The following PLCG2 variants were observed in gnomAD, a reference collection of about 807,000 sequenced individuals.
The protein encoded by PLCG2 is 1-phosphatidylinositol 4,5-bisphosphate phosphodiesterase gamma-2.
Under a neutral mutation model 175.6 loss-of-function variants are expected in PLCG2, and 69 were observed. The observed-to-expected ratio is 0.39, with a 90% CI of 0.32 to 0.48. The LOEUF is 0.48. PLCG2 is among the 20% of genes least tolerant of loss of function. PLCG2 has a pLI of 0.91. For missense variants in PLCG2, 1,798 were observed against 1,650.9 expected, an observed-to-expected ratio of 1.09 and a Z score of -1.54; for synonymous variants, 827 against 624.0, an observed-to-expected ratio of 1.33 and a Z score of -4.85.
chr16:81,877,386 C>T (rs529069282), intron 7 of PLCG2, among the ~76,000 whole-genome samples: 3 of 152,074 alleles, frequency 2.0e-5, no homozygotes, highest in African/African-American at 2.4e-5. Context: ...AACCTGGAGG[C>T]GGAACTTACA....
rs192119847 is a variant in PLCG2 at position 81,921,122 on chromosome 16, C to T, written c.2236-76C>T. The T allele has an allele frequency of 3.0e-3, 2,712 of 907,582 alleles. 31 individuals are homozygous for T. The highest frequency in any genetic ancestry group is 0.022 in the South Asian group (1,565 of 70,462). The allele number at this position is 907,582 out of a possible 1,614,324, so 56.2% of individuals were successfully genotyped here. A position where few individuals can be genotyped will look rare whatever the true frequency, so the allele number is the denominator to read the frequency against. On this transcript the variant is annotated intron_variant, in intron 20 of 32. Coordinates refer to ENST00000564138, the MANE Select transcript of PLCG2 (RefSeq NM_002661.5). ...AAAGGATAGGTAACCATAAGGAAGC[C>T]TAGAACCCTTGTTATATGTAAGGGC...
At position 81,854,649 on chromosome 16, in the gene PLCG2, C is replaced by T. The variant is rs1039922820; in HGVS notation, c.337+62C>T. On this transcript the variant is annotated intron_variant, in intron 3 of 32. Coordinates refer to ENST00000564138, the MANE Select transcript of PLCG2 (RefSeq NM_002661.5). ...GCCTTAGTGTCTTCCTGAAGAAGTTCGCTAATAGCAGAATGCTCACCCCTG... is the reference window on the plus strand; with the variant it reads ...GCCTTAGTGTCTTCCTGAAGAAGTTTGCTAATAGCAGAATGCTCACCCCTG... The T allele has an allele frequency of 1.4e-4, 211 of 1,480,576 alleles. 1 individual carries two copies. Among genetic ancestry groups the T allele is most frequent in the African/African-American group, 7.5e-4 (54 of 72,426 alleles). 91.7% of individuals were successfully genotyped at this position (1,480,576 alleles called of 1,614,324 possible). A position where few individuals can be genotyped will look rare whatever the true frequency, so the allele number is the denominator to read the frequency against.
intron 7 of PLCG2, among the ~76,000 whole-genome samples, chr16:81,874,985 A>T (rs1907708496): frequency 6.5e-5 from 3 of 46,314 alleles, no homozygotes; most frequent in Admixed American, 2.8e-4. Context: ...TTTATTTGAG[A>T]CAGAGTCTTT....
intron 3 of PLCG2, among the ~76,000 whole-genome samples, 168 bp downstream of exon 3, chr16:81,854,755 G>T (rs1906597980): frequency 1.3e-5 from 2 of 152,178 alleles, no homozygotes; most frequent in South Asian, 4.1e-4. Flanking sequence ...TTAGGTGAGT[G>T]ACTTAACCTC....
At chr16:81,782,383 C>G (rs1051311369) in intron 1 of PLCG2, among the ~76,000 whole-genome samples, 1 of 148,772 alleles carries the variant, frequency 6.7e-6, no homozygotes, top group Admixed American at 6.7e-5. Context: ...GATTTCAAGG[C>G]TTTTTTTTTT....
At position 81,946,168 on chromosome 16, in the gene PLCG2, G is replaced by A. The variant is rs758455623; in HGVS notation, c.3482-7G>A. Reference sequence around the variant, plus strand: ...GCCTTTGCATTTTCCTCCTTGTTCTGCTTCAGGATTCAGGTCCGTTCCTCT... The same window carrying A: ...GCCTTTGCATTTTCCTCCTTGTTCTACTTCAGGATTCAGGTCCGTTCCTCT... On this transcript the variant is annotated splice_region_variant and splice_polypyrimidine_tract_variant and intron_variant, in intron 30 of 32. Coordinates refer to ENST00000564138, the MANE Select transcript of PLCG2 (RefSeq NM_002661.5). 3.1e-6 allele frequency: 5 copies of A among 1,610,582 alleles called. No individual in the cohort carries two copies. The highest frequency in any genetic ancestry group is 1.3e-5 in the African/African-American group (1 of 74,930).
intron 2 of PLCG2, among the ~76,000 whole-genome samples, chr16:81,835,410 A>G (rs1409800745): frequency 1.3e-5 from 2 of 151,918 alleles, no homozygotes; most frequent in African/African-American, 4.8e-5. Context: ...AGCCTGGCCA[A>G]CATGGCGAAA....
chr16:81,744,252 C>G (rs1472670373), intron 1 of PLCG2, among the ~76,000 whole-genome samples: 2 of 150,622 alleles, frequency 1.3e-5, no homozygotes, highest in African/African-American at 4.9e-5. Flanking sequence ...ACTGTCAGCT[C>G]CGGCTCCTGG....
chr16:81,800,893 C>CA (rs1033613372), intron 2 of PLCG2, among the ~76,000 whole-genome samples: 1 of 151,972 alleles, frequency 6.6e-6, no homozygotes, highest in African/African-American at 2.4e-5. Flanking sequence ...AGGAGGGAGG[C>CA]AGGAGGGTCA....
intron 2 of PLCG2, among the ~76,000 whole-genome samples, chr16:81,808,772 C>T (rs755890243): frequency 2.0e-5 from 3 of 152,122 alleles, no homozygotes; most frequent in African/African-American, 4.8e-5. Context: ...GGATTACAGG[C>T]GTGAGCCACC....
At chr16:81,932,647 T>G (rs576556415) in intron 25 of PLCG2, among the ~76,000 whole-genome samples, 1 of 152,296 alleles carries the variant, frequency 6.6e-6, no homozygotes, top group Admixed American at 6.5e-5. Flanking sequence ...TCTTGGCCAG[T>G]CCCTGGTCAC....
intron 2 of PLCG2, among the ~76,000 whole-genome samples, chr16:81,826,148 C>T (rs892258935): frequency 6.6e-6 from 1 of 152,168 alleles, no homozygotes; most frequent in Non-Finnish European, 1.5e-5. Flanking sequence ...GAGATACCAC[C>T]ATCCAGCCAG....
At chr16:81,838,872 G>A (rs1905672501) in intron 2 of PLCG2, among the ~76,000 whole-genome samples, 1 of 151,346 alleles carries the variant, frequency 6.6e-6, no homozygotes, top group Non-Finnish European at 1.5e-5. Flanking sequence ...CTTTAAGCAT[G>A]GGTCCACCTC....
rs185471168 is a variant in PLCG2, at chr16:81,899,139, A to C, written c.1194-1473A>C. ...GGGAGGCGGAGGTTGCAATGAGCTG[A>C]GGTCACGCCATTGCACTCCATCCCG... On this transcript the variant is annotated intron_variant, in intron 13 of 32. Transcript: ENST00000564138. 3.2e-3 allele frequency among the ~76,000 whole-genome samples: 491 copies of C among 152,260 alleles called. 1 individual carries two copies. The highest frequency in any genetic ancestry group is 0.011 in the African/African-American group (471 of 41,540).
At position 81,913,738 on chromosome 16, in the gene PLCG2, G is replaced by A. The variant is rs553656164; in HGVS notation, c.2054+1022G>A. Among the ~76,000 whole-genome samples, 3 of 152,338 alleles carry A rather than the reference G, an allele frequency of 2.0e-5. No individual in the cohort carries two copies. In the East Asian group the frequency reaches 5.8e-4, roughly 29 times the overall value. ...GCTGGCTGCATGGCAGCTACTGTGG[G>A]GTGTGTGGTTTGCCCCTGTCCACTC... is the stretch of plus-strand genomic sequence containing the variant. On this transcript the variant is annotated intron_variant, in intron 19 of 32. Coordinates refer to ENST00000564138, the MANE Select transcript of PLCG2 (RefSeq NM_002661.5).
At chr16:81,858,034 T>G (rs530997591) in intron 3 of PLCG2, 12 of 500,282 alleles carry the variant, frequency 2.4e-5, no homozygotes, top group African/African-American at 1.7e-4. Context: ...AATAACCCAC[T>G]TGTCATCCCT....
intron 31 of PLCG2, among the ~76,000 whole-genome samples, chr16:81,952,657 T>C (rs1431942003): frequency 6.6e-6 from 1 of 152,082 alleles, no homozygotes; most frequent in Non-Finnish European, 1.5e-5. Context: ...CAGAATGAAA[T>C]AGCCACATGT....
chr16:81,915,504 G>C (rs1909802445), intron 19 of PLCG2, among the ~76,000 whole-genome samples: 1 of 152,250 alleles, frequency 6.6e-6, no homozygotes, highest in Non-Finnish European at 1.5e-5. Context: ...TCGTATTCCA[G>C]ACCTGTTCCC....
At chr16:81,874,606 C>A (rs1013906591) in intron 7 of PLCG2, among the ~76,000 whole-genome samples, 2 of 152,132 alleles carry the variant, frequency 1.3e-5, no homozygotes, top group Admixed American at 1.3e-4. Context: ...GAGGGCCTAG[C>A]TGGATTTCTC....
Sources: gnomAD v4.1 joint callset for allele counts (sites outside exome capture counted in the v4.1 genomes callset) on GRCh38, gnomAD v4.1.1 for gene constraint, MANE v1.5 for transcripts, NCBI Gene and HGNC (gene_info 2026-07-23, HGNC 2026-07-21) for gene names.